Variants in SCAPER observed in about 807,000 individuals in gnomAD.
The protein encoded by SCAPER is S-phase cyclin A associated protein in the ER.
A neutral mutation model predicts 182.2 loss-of-function variants in SCAPER; 98 were observed. The ratio of observed to expected loss-of-function variants is 0.54; its 90% CI spans 0.46 to 0.64. SCAPER has a LOEUF of 0.64. Ranked by LOEUF, SCAPER falls within the 30% of genes least tolerant of loss-of-function variation. The probability of loss-of-function intolerance (pLI) is 0.00; values close to 1 mark genes in which losing one functional copy is unlikely to be tolerated. For missense variants in SCAPER, 1,432 were observed against 1,690.0 expected (o/e 0.85, Z 2.68); for synonymous variants, 605 against 564.6 (o/e 1.07, Z -1.01).
At chr15:76,352,196 G>A (rs1470228692) in intron 30 of SCAPER, among the ~76,000 whole-genome samples, 1 of 152,042 alleles carries the variant, frequency 6.6e-6, no homozygotes. Flanking sequence ...GAAGTCCCTA[G>A]CTCCTTTTCC....
At chr15:76,676,776 T>C (rs2057392549) in intron 20 of SCAPER, among the ~76,000 whole-genome samples, 2 of 151,556 alleles carry the variant, frequency 1.3e-5, no homozygotes, top group South Asian at 4.1e-4. Context: ...TATAAATGTG[T>C]GAGTTTTATA....
chr15:76,401,671 C>T (rs1345614173), intron 27 of SCAPER, among the ~76,000 whole-genome samples: 1 of 152,174 alleles, frequency 6.6e-6, no homozygotes. Flanking sequence ...TCCACATTTA[C>T]CCAATTGCAC....
chr15:76,683,972 T>C (rs1455518154), intron 20 of SCAPER, among the ~76,000 whole-genome samples: 1 of 151,780 alleles, frequency 6.6e-6, no homozygotes, highest in Non-Finnish European at 1.5e-5. Flanking sequence ...CCAACTAAGC[T>C]TCAAAAGCAA....
At position 76,409,522 on chromosome 15, in the gene SCAPER, C is replaced by T. The variant is rs184734388; in HGVS notation, c.3312-4843G>A. Among the ~76,000 whole-genome samples the T allele has an allele frequency of 8.6e-5, 13 of 151,530 alleles. No individual in the cohort carries two copies. In the East Asian group the frequency reaches 1.9e-3, roughly 23 times the overall value. On this transcript the variant is annotated intron_variant, in intron 26 of 31. Transcript: ENST00000563290. ...TTATGTGTGTGTGTGTGTGTGTATACGATGTTCACTATTTGGGTGACGGAT... is the reference window on the plus strand; with the variant it reads ...TTATGTGTGTGTGTGTGTGTGTATATGATGTTCACTATTTGGGTGACGGAT...
chr15:76,394,194 T>C (rs1567051067), intron 27 of SCAPER, among the ~76,000 whole-genome samples: 1 of 152,168 alleles, frequency 6.6e-6, no homozygotes. Flanking sequence ...AAGGAGCAAG[T>C]AGGCCTTATA....
intron 8 of SCAPER, 108 bp from the exon 9 acceptor site, chr15:76,775,225 T>A: frequency 1.1e-6 from 1 of 949,182 alleles, no homozygotes; most frequent in Non-Finnish European, 1.5e-6. Context: ...CAAATATAAC[T>A]AATATACAAA....
At chr15:76,529,792 G>C (rs1248844265) in intron 23 of SCAPER, among the ~76,000 whole-genome samples, 1 of 152,224 alleles carries the variant, frequency 6.6e-6, no homozygotes, top group African/African-American at 2.4e-5. Flanking sequence ...TGAGAGAATA[G>C]GTCATACATG....
chr15:76,370,866 C>T (rs909601072), intron 29 of SCAPER, among the ~76,000 whole-genome samples: 1 of 152,136 alleles, frequency 6.6e-6, no homozygotes, highest in African/African-American at 2.4e-5. Context: ...CTGAATAAGG[C>T]ACACAGATAG....
chr15:76,851,287 TTTCCCAACC>T (rs1216634085), intron 4 of SCAPER, among the ~76,000 whole-genome samples: 1 of 152,046 alleles, frequency 6.6e-6, no homozygotes, highest in Non-Finnish European at 1.5e-5. Context: ...CCATGATAAC[TTTCCCAACC>T]TTGATAGAGA....
intron 24 of SCAPER, among the ~76,000 whole-genome samples, chr15:76,489,703 T>C (rs1230575720): frequency 3.9e-5 from 6 of 152,174 alleles, no homozygotes; most frequent in Admixed American, 3.3e-4. Flanking sequence ...TAATACAATA[T>C]TGTTAACTTT....
chr15:76,459,152 A>G (rs2048963378), intron 25 of SCAPER, among the ~76,000 whole-genome samples: 1 of 152,156 alleles, frequency 6.6e-6, no homozygotes, highest in South Asian at 2.1e-4. Context: ...TTGGCCTTCC[A>G]AATTGCTGGG....
At chr15:76,879,246 A>T (rs2073379681) in intron 2 of SCAPER, among the ~76,000 whole-genome samples, 1 of 152,154 alleles carries the variant, frequency 6.6e-6, no homozygotes, top group Non-Finnish European at 1.5e-5. Context: ...ATGCACATTT[A>T]TTGGCTTCTT....
At chr15:76,766,200 T>C (rs1441995081) in intron 11 of SCAPER, among the ~76,000 whole-genome samples, 1 of 151,864 alleles carries the variant, frequency 6.6e-6, no homozygotes, top group Admixed American at 6.6e-5. Context: ...GGGTTCAAAC[T>C]ATTCTCCTGC....
chr15:76,648,989 C>G (rs1292776219), intron 21 of SCAPER, among the ~76,000 whole-genome samples: 1 of 152,204 alleles, frequency 6.6e-6, no homozygotes, highest in Non-Finnish European at 1.5e-5. Context: ...CTGGTCCAAC[C>G]AATCTCTTGC....
chr15:76,633,106 G>A (rs756853465), intron 21 of SCAPER, among the ~76,000 whole-genome samples: 4 of 152,122 alleles, frequency 2.6e-5, no homozygotes, highest in Non-Finnish European at 5.9e-5. Flanking sequence ...TGGGGTTTTT[G>A]TGGGGTCTTT....
intron 22 of SCAPER, among the ~76,000 whole-genome samples, chr15:76,602,676 T>C (rs918822522): frequency 3.3e-5 from 4 of 120,944 alleles, no homozygotes; most frequent in African/African-American, 7.6e-5. Context: ...TCCTCCTCAC[T>C]TTCTTTTCCC....
intron 7 of SCAPER, chr15:76,797,686 C>T (rs546285854): frequency 6.6e-6 from 1 of 152,258 alleles, no homozygotes; most frequent in Admixed American, 6.5e-5. Context: ...TTTAAGGAAA[C>T]CTCTGTCAAA....
At chr15:76,653,420 CA>C (rs1011838785) in intron 21 of SCAPER, among the ~76,000 whole-genome samples, 7 of 152,096 alleles carry the variant, frequency 4.6e-5, no homozygotes, top group Non-Finnish European at 7.4e-5. Context: ...CAATCCTAAG[CA>C]AAAGAATAAA....
At position 76,530,720 on chromosome 15, in the gene SCAPER, C is replaced by T. The variant is rs529295723; in HGVS notation, c.2839-25746G>A. ...TGAGCTATGTCTCTGGAAATTATCA[C>T]CATCATATATTAATTATGTACAGCA... On this transcript the variant is annotated intron_variant, in intron 23 of 31. Coordinates refer to ENST00000563290, the MANE Select transcript of SCAPER (RefSeq NM_020843.4). Among the ~76,000 whole-genome samples the T allele has an allele frequency of 9.2e-5, 14 of 152,082 alleles. No individual in the cohort carries two copies. The South Asian group carries it at 2.9e-3, about 32-fold the overall frequency.
Sources: allele counts gnomAD v4.1 joint callset (sites outside exome capture counted in the v4.1 genomes callset), GRCh38; gene constraint gnomAD v4.1.1; transcripts MANE v1.5; gene names NCBI Gene and HGNC (gene_info 2026-07-23, HGNC 2026-07-21).